CGNL1: variants seen among roughly 807,000 people sequenced by gnomAD.
CGNL1 encodes cingulin like 1, also known as cingulin-like protein 1.
CGNL1 carries 132 observed loss-of-function variants against 141.2 expected under a neutral mutation model. The observed-to-expected ratio is 0.93, with a 90% CI of 0.81 to 1.08. The LOEUF (loss-of-function observed/expected upper bound fraction) is 1.08. CGNL1 is among the 50% of genes least tolerant of loss of function. CGNL1 has a pLI of 0.00. For synonymous variants in CGNL1, 690 were observed against 622.1 expected (o/e 1.11, Z -1.63); for missense variants, 1,870 against 1,588.6 (o/e 1.18, Z -3.01).
At chr15:57,398,909 T>A (rs570800857) in intron 1 of CGNL1, among the ~76,000 whole-genome samples, 1 of 152,298 alleles carries the variant, frequency 6.6e-6, no homozygotes, top group South Asian at 2.1e-4. Flanking sequence ...TTTGAAAAAA[T>A]TTATTATTTT....
chr15:57,514,114 G>A (rs12439099), intron 8 of CGNL1, among the ~76,000 whole-genome samples: 23,958 of 151,980 alleles, frequency 0.16, 2,326 homozygotes, highest in East Asian at 0.46. Context: ...TCATATGCAT[G>A]TTGGATTTTA....
chr15:57,471,245 A>G (rs976179397), intron 8 of CGNL1, among the ~76,000 whole-genome samples: 2 of 152,144 alleles, frequency 1.3e-5, no homozygotes, highest in Non-Finnish European at 2.9e-5. Context: ...TTCCAGGTCT[A>G]CCATTAGGGC....
rs1424733188 is a variant in CGNL1 at position 57,458,092 on chromosome 15, G to A, written c.2191-3588G>A. The stretch of plus-strand genomic sequence containing the variant: ...AGAATAGTAATCTTCATCTCCTTGA[G>A]TATCCATCTCTCTGGATTGTTAGAA... On this transcript the variant is annotated intron_variant, in intron 7 of 18. Coordinates refer to ENST00000281282, the MANE Select transcript of CGNL1 (RefSeq NM_032866.5). Among the ~76,000 whole-genome samples the A allele has an allele frequency of 2.6e-5, 4 of 152,284 alleles. No homozygotes were observed. The East Asian group carries it at 5.8e-4, about 22-fold the overall frequency.
chr15:57,486,320 A>G (rs2063784735), intron 8 of CGNL1, among the ~76,000 whole-genome samples: 1 of 152,186 alleles, frequency 6.6e-6, no homozygotes, highest in African/African-American at 2.4e-5. Flanking sequence ...CTCTTTGTGG[A>G]AATGGGAATG....
At chr15:57,444,092 TC>T (rs1377074515) in intron 4 of CGNL1, among the ~76,000 whole-genome samples, 1 of 152,242 alleles carries the variant, frequency 6.6e-6, no homozygotes, top group African/African-American at 2.4e-5. Context: ...TTCCTGGGTT[TC>T]TTCCCCCATC....
rs530477881 is a variant in CGNL1 at position 57,514,046 on chromosome 15, T to C, written c.2404-2734T>C. Among the ~76,000 whole-genome samples the C allele has an allele frequency of 2.6e-5, 4 of 152,374 alleles. No individual in the cohort carries two copies. In the South Asian group the frequency reaches 8.3e-4, roughly 32 times the overall value. On this transcript the variant is annotated intron_variant, in intron 8 of 18. Coordinates refer to ENST00000281282, the MANE Select transcript of CGNL1 (RefSeq NM_032866.5). ...AGCTATCCTAGTGGATGTGGAGTGG[T>C]ATCTCATTATGGTTTTAATTTGCAT... is the stretch of plus-strand genomic sequence containing the variant.
chr15:57,475,626 C>T (rs1329158167), intron 8 of CGNL1, among the ~76,000 whole-genome samples: 1 of 151,522 alleles, frequency 6.6e-6, no homozygotes, highest in Admixed American at 6.6e-5. Flanking sequence ...ATACTTTTGA[C>T]ACACCACATC....
At chr15:57,527,138 A>G (rs2031664701) in intron 12 of CGNL1, 1 of 151,994 alleles carries the variant, frequency 6.6e-6, no homozygotes, top group Non-Finnish European at 1.5e-5. Flanking sequence ...CCATGGGGTG[A>G]TTTTCATTCT....
intron 14 of CGNL1, among the ~76,000 whole-genome samples, chr15:57,532,394 T>C (rs918319307): frequency 6.6e-6 from 1 of 152,238 alleles, no homozygotes; most frequent in Non-Finnish European, 1.5e-5. Context: ...GTGATCTCAC[T>C]GCTCTCCCCA....
chr15:57,481,510 A>G (rs1372435931), intron 8 of CGNL1, among the ~76,000 whole-genome samples: 1 of 152,182 alleles, frequency 6.6e-6, no homozygotes, highest in African/African-American at 2.4e-5. Context: ...TGCTGCATGT[A>G]TCAACAGGTT....
chr15:57,470,266 T>TTTTTTTC (rs1274868187), intron 8 of CGNL1, among the ~76,000 whole-genome samples: 9 of 150,116 alleles, frequency 6.0e-5, no homozygotes, highest in African/African-American at 2.2e-4. Context: ...CTTTTTTTTT[T>TTTTTTTC]TTTTTGCCTG....
At chr15:57,518,842 G>A (rs1346347028) in intron 10 of CGNL1, among the ~76,000 whole-genome samples, 6 of 152,220 alleles carry the variant, frequency 3.9e-5, no homozygotes, top group Admixed American at 6.5e-5. Context: ...ATGCGAAGGC[G>A]GAGAGCCCTC....
chr15:57,469,727 C>A (rs1365240335), intron 8 of CGNL1, among the ~76,000 whole-genome samples: 1 of 152,178 alleles, frequency 6.6e-6, no homozygotes, highest in Non-Finnish European at 1.5e-5. Context: ...TCACCACCAC[C>A]CTCCAATTTT....
chr15:57,389,838 G>A (rs1466637786), intron 1 of CGNL1, among the ~76,000 whole-genome samples: 1 of 151,236 alleles, frequency 6.6e-6, no homozygotes, highest in African/African-American at 2.4e-5. Flanking sequence ...TTTTTGAGAT[G>A]GAGTCTCACT....
At chr15:57,420,207 C>A (rs1231259675) in intron 1 of CGNL1, among the ~76,000 whole-genome samples, 1 of 152,108 alleles carries the variant, frequency 6.6e-6, no homozygotes, top group Non-Finnish European at 1.5e-5. Flanking sequence ...ACCCTGCTTC[C>A]TTTTATTGGA....
intron 1 of CGNL1, among the ~76,000 whole-genome samples, chr15:57,379,791 T>A (rs753342262): frequency 6.6e-6 from 1 of 151,612 alleles, no homozygotes; most frequent in Non-Finnish European, 1.5e-5. Context: ...AGAAACCAGT[T>A]ATGACATGAA....
intron 8 of CGNL1, among the ~76,000 whole-genome samples, chr15:57,473,252 C>G (rs1280703464): frequency 7.2e-5 from 11 of 152,218 alleles, no homozygotes; most frequent in Non-Finnish European, 1.3e-4. Flanking sequence ...TATACTCTCT[C>G]TGACCCTCTA....
At chr15:57,392,062 T>C (rs1401458181) in intron 1 of CGNL1, among the ~76,000 whole-genome samples, 2 of 152,092 alleles carry the variant, frequency 1.3e-5, no homozygotes, top group African/African-American at 4.8e-5. Context: ...TTTTTGATTG[T>C]GAATATCAAT....
At chr15:57,440,341 C>A (rs370232698) in intron 2 of CGNL1, 36 bp from the exon 3 acceptor site, 8 of 1,510,548 alleles carry the variant, frequency 5.3e-6, no homozygotes, top group Admixed American at 3.7e-5. Context: ...CTGGGAACTT[C>A]ATCCTCATGG....
Sources: gnomAD v4.1 joint callset for allele counts (sites outside exome capture counted in the v4.1 genomes callset) on GRCh38, gnomAD v4.1.1 for gene constraint, MANE v1.5 for transcripts, NCBI Gene and HGNC (gene_info 2026-07-23, HGNC 2026-07-21) for gene names.